The following RBFOX1 variants were observed in gnomAD, a reference collection of about 807,000 sequenced individuals.
RBFOX1 encodes the protein RNA binding fox-1 homolog 1.
In RBFOX1, 8 loss-of-function variants were observed where a neutral mutation model predicts 57.7. The ratio of observed to expected loss-of-function variants is 0.14; its 90% confidence interval spans 0.08 to 0.25. The LOEUF is 0.25. Among genes scored for constraint, RBFOX1 ranks in the 10% least tolerant of loss-of-function variants. RBFOX1 has a pLI of 1.00. For synonymous variants in RBFOX1, 326 were observed against 222.4 expected, an observed-to-expected ratio of 1.47 and a Z score of -4.15; for missense variants, 611 against 548.5, an observed-to-expected ratio of 1.11 and a Z score of -1.14.
At chr16:6,562,972 C>T (rs1234296297) in intron 2 of RBFOX1, among the ~76,000 whole-genome samples, 1 of 146,650 alleles carries the variant, frequency 6.8e-6, no homozygotes, top group Non-Finnish European at 1.5e-5. Flanking sequence ...GTATGTCCTT[C>T]TGTGCAATGT....
chr16:7,471,242 G>C (rs1041257691), intron 4 of RBFOX1, among the ~76,000 whole-genome samples: 1 of 152,164 alleles, frequency 6.6e-6, no homozygotes, highest in Non-Finnish European at 1.5e-5. Flanking sequence ...CCACTTAACT[G>C]TTCCTCACTG....
At chr16:7,017,743 G>A (rs1428038941) in intron 3 of RBFOX1, among the ~76,000 whole-genome samples, 1 of 152,068 alleles carries the variant, frequency 6.6e-6, no homozygotes, top group African/African-American at 2.4e-5. Flanking sequence ...CCTGTGACAG[G>A]CCAACTTCCA....
intron 3 of RBFOX1, among the ~76,000 whole-genome samples, chr16:6,915,533 C>G (rs752286557): frequency 1.4e-4 from 20 of 144,760 alleles, no homozygotes; most frequent in Non-Finnish European, 2.5e-4. Flanking sequence ...TTTCTAAGTC[C>G]TCACCCCCAC....
chr16:6,511,761 A>G (rs764463571), intron 2 of RBFOX1, among the ~76,000 whole-genome samples: 1 of 152,212 alleles, frequency 6.6e-6, no homozygotes, highest in Non-Finnish European at 1.5e-5. Context: ...ATAAGAAGAC[A>G]TTGTCCAGAA....
intron 3 of RBFOX1, among the ~76,000 whole-genome samples, chr16:6,965,848 G>T (rs1029377373): frequency 6.6e-6 from 1 of 151,468 alleles, no homozygotes; most frequent in Non-Finnish European, 1.5e-5. Context: ...CGCATCCATG[G>T]GGATAAGGAA....
At chr16:5,520,521 A>T (rs867815868) in intron 2 of RBFOX1, among the ~76,000 whole-genome samples, 1 of 152,318 alleles carries the variant, frequency 6.6e-6, no homozygotes, top group African/African-American at 2.4e-5. Context: ...AAACATTTTC[A>T]CAATTCTCTC....
chr16:5,927,030 A>G (rs542328276), intron 4 of RBFOX1, among the ~76,000 whole-genome samples: 7 of 152,110 alleles, frequency 4.6e-5, no homozygotes, highest in Non-Finnish European at 8.8e-5. Context: ...CTCTTTATTT[A>G]TTTCTGCAGT....
At chr16:5,882,868 A>G (rs1358797018) in intron 4 of RBFOX1, among the ~76,000 whole-genome samples, 2 of 152,250 alleles carry the variant, frequency 1.3e-5, no homozygotes, top group African/African-American at 2.4e-5. Flanking sequence ...CAAATGAAAC[A>G]CTGTCAAAGA....
At chr16:7,297,279 T>C (rs549601246) in intron 4 of RBFOX1, among the ~76,000 whole-genome samples, 1 of 152,330 alleles carries the variant, frequency 6.6e-6, no homozygotes, top group East Asian at 1.9e-4. Context: ...CCCTGTGAGA[T>C]GGGTAATTGA....
chr16:6,604,322 T>A (rs529192624), intron 2 of RBFOX1, among the ~76,000 whole-genome samples: 1 of 152,308 alleles, frequency 6.6e-6, no homozygotes, highest in African/African-American at 2.4e-5. Context: ...TTACACATGA[T>A]AACAGCATTT....
intron 2 of RBFOX1, among the ~76,000 whole-genome samples, chr16:6,514,750 T>C (rs4641744): frequency 0.33 from 50,291 of 151,882 alleles, 9,023 homozygotes; most frequent in Non-Finnish European, 0.41. Flanking sequence ...ATTATTCTTA[T>C]TGTAATAAGG....
At chr16:6,946,780 A>G (rs1286538420) in intron 3 of RBFOX1, among the ~76,000 whole-genome samples, 2 of 151,960 alleles carry the variant, frequency 1.3e-5, no homozygotes, top group African/African-American at 4.8e-5. Context: ...TTATTTTTAA[A>G]ATTTTTTGCA....
At chr16:7,414,696 C>T (rs1405208701) in intron 4 of RBFOX1, among the ~76,000 whole-genome samples, 3 of 152,196 alleles carry the variant, frequency 2.0e-5, no homozygotes, top group Non-Finnish European at 4.4e-5. Context: ...CAGTTCACTG[C>T]AACCTCCGCC....
At chr16:6,033,856 C>T (rs938348778) in intron 1 of RBFOX1, among the ~76,000 whole-genome samples, 36 of 152,166 alleles carry the variant, frequency 2.4e-4, no homozygotes, top group African/African-American at 5.1e-4. Flanking sequence ...AAACCTGATG[C>T]TCTGGCTGAG....
At chr16:6,391,509 CA>C (rs538935947) in intron 2 of RBFOX1, among the ~76,000 whole-genome samples, 331 of 78,280 alleles carry the variant, frequency 4.2e-3, no homozygotes, top group Middle Eastern at 9.1e-3. Flanking sequence ...GACTCCGTCT[CA>C]AAAAAAAAAA....
chr16:7,447,890 C>T lies in RBFOX1; in HGVS notation c.28-70257C>T, dbSNP rs568584749. Among the ~76,000 whole-genome samples the T allele has an allele frequency of 1.2e-4, 19 of 152,318 alleles. No individual in the cohort carries two copies. In the South Asian group the frequency reaches 3.7e-3, roughly 30 times the overall value. ...TATGAATTAGCTGTATCAGCATCAA[C>T]CCCCTGGAGGGGAGGGGCCAACAGG... is the stretch of plus-strand genomic sequence containing the variant. On this transcript the variant is annotated intron_variant, in intron 4 of 15. Coordinates refer to ENST00000550418, the MANE Select transcript of RBFOX1 (RefSeq NM_018723.4).
intron 1 of RBFOX1, among the ~76,000 whole-genome samples, chr16:5,427,426 A>T (rs542222830): frequency 6.6e-6 from 1 of 152,114 alleles, no homozygotes; most frequent in African/African-American, 2.4e-5. Flanking sequence ...CTCTACTAAA[A>T]ATACAAAAAT....
At chr16:6,593,809 T>G (rs2153993007) in intron 2 of RBFOX1, among the ~76,000 whole-genome samples, 1 of 152,318 alleles carries the variant, frequency 6.6e-6, no homozygotes, top group South Asian at 2.1e-4. Context: ...TGTCAGATTT[T>G]CAATGAGGAC....
At chr16:6,824,308 C>T (rs772328002) in intron 3 of RBFOX1, among the ~76,000 whole-genome samples, 20 of 152,026 alleles carry the variant, frequency 1.3e-4, no homozygotes, top group Non-Finnish European at 2.5e-4. Context: ...ATGGAGGCTG[C>T]GGTAGGAGAG....
Sources: gnomAD v4.1 joint callset for allele counts (sites outside exome capture counted in the v4.1 genomes callset) on GRCh38, gnomAD v4.1.1 for gene constraint, MANE v1.5 for transcripts, NCBI Gene and HGNC (gene_info 2026-07-23, HGNC 2026-07-21) for gene names.